The following DGKG variants were observed in gnomAD, a reference collection of about 807,000 sequenced individuals.
DGKG encodes the protein diacylglycerol kinase gamma.
DGKG carries 78 observed loss-of-function variants against 105.3 expected under a neutral mutation model. The ratio of observed to expected loss-of-function variants is 0.74; its 90% CI spans 0.62 to 0.89. The LOEUF is 0.89. Among genes scored for constraint, DGKG ranks in the 40% least tolerant of loss-of-function variants. The pLI is 0.00. For synonymous variants in DGKG, 346 were observed against 367.1 expected (o/e 0.94, Z 0.66); for missense variants, 958 against 1,020.1 (o/e 0.94, Z 0.83).
intron 24 of DGKG, 125 bp from the exon 25 acceptor site, chr3:186,150,313 G>A (rs185614356): frequency 7.9e-7 from 1 of 1,259,906 alleles, no homozygotes; most frequent in East Asian, 2.6e-5. Flanking sequence ...AAGGACAACT[G>A]TCCTTGAACG....
At chr3:186,340,114 G>A (rs913251032) in intron 1 of DGKG, among the ~76,000 whole-genome samples, 2 of 152,174 alleles carry the variant, frequency 1.3e-5, no homozygotes, top group African/African-American at 4.8e-5. Flanking sequence ...ATAAAATGGA[G>A]AAGTGGTTTA....
At chr3:186,207,298 GTC>G (rs1718793944) in intron 21 of DGKG, 1 of 187,474 alleles carries the variant, frequency 5.3e-6, no homozygotes, top group African/African-American at 2.4e-5. Flanking sequence ...CTGGTTGAGA[GTC>G]TCTGCTCTAG....
At chr3:186,185,711 C>T (rs1717594361) in intron 22 of DGKG, among the ~76,000 whole-genome samples, 1 of 152,150 alleles carries the variant, frequency 6.6e-6, no homozygotes, top group Non-Finnish European at 1.5e-5. Context: ...TCTGTTAGCA[C>T]CCACAACTTC....
chr3:186,266,129 A>T (rs1423672999), intron 13 of DGKG, among the ~76,000 whole-genome samples: 1 of 152,176 alleles, frequency 6.6e-6, no homozygotes, highest in African/African-American at 2.4e-5. Context: ...GTATATGGGG[A>T]TGGCCTCGTA....
intron 21 of DGKG, among the ~76,000 whole-genome samples, 199 bp downstream of exon 21, chr3:186,211,596 C>A (rs925576815): frequency 6.6e-6 from 1 of 152,092 alleles, no homozygotes; most frequent in East Asian, 1.9e-4. Flanking sequence ...AGTCCCAAAG[C>A]CCCCCAGGGA....
intron 12 of DGKG, 111 bp downstream of exon 12, chr3:186,268,690 C>A: frequency 1.4e-6 from 1 of 734,260 alleles, no homozygotes; most frequent in Non-Finnish European, 2.3e-6. Flanking sequence ...CTCCTAGCCT[C>A]GCTCCCCTGG....
chr3:186,347,302 G>A (rs1726388320), intron 1 of DGKG, among the ~76,000 whole-genome samples: 2 of 151,670 alleles, frequency 1.3e-5, no homozygotes, highest in African/African-American at 4.8e-5. Flanking sequence ...CAAAAAATTA[G>A]CCAGGCATGG....
In DGKG at chr3:186,280,676, C is replaced by T. The variant is rs1433467927; in HGVS notation, c.663G>A (p.Leu221=). 6.2e-7 allele frequency: 1 copy of T among 1,613,166 alleles called. No individual in the cohort carries two copies. The highest frequency in any genetic ancestry group is 8.5e-7 in the Non-Finnish European group (1 of 1,179,244). Residue 221 remains leucine (L), a synonymous_variant, in exon 8 of 25, where the codon CTG becomes CTA. Coordinates refer to ENST00000265022, the MANE Select transcript of DGKG (RefSeq NM_001346.3). ...AQYLEWDPTE[L]RPILKEMLQG... ...CATCCTTATAGAAACTCACAGGCCT[C>T]AGCTCTGTGGGATCCCACTCCAGGT...
intron 1 of DGKG, among the ~76,000 whole-genome samples, chr3:186,336,870 A>G (rs1198331136): frequency 6.6e-6 from 1 of 152,228 alleles, no homozygotes; most frequent in African/African-American, 2.4e-5. Context: ...ATTCAACTTT[A>G]TAGCACCACT....
chr3:186,256,710 T>A (rs1006292231), intron 17 of DGKG, among the ~76,000 whole-genome samples: 1 of 152,226 alleles, frequency 6.6e-6, no homozygotes, highest in African/African-American at 2.4e-5. Flanking sequence ...CCACTCTGCT[T>A]TGACCATGCT....
intron 20 of DGKG, among the ~76,000 whole-genome samples, chr3:186,217,839 A>G (rs1229087298): frequency 1.3e-5 from 2 of 152,220 alleles, no homozygotes; most frequent in South Asian, 2.1e-4. Context: ...TTGTCAAAAC[A>G]TGAAAACATT....
Position 186,272,881 on chromosome 3 carries a change from C to T in DGKG, c.911-538G>A, listed in dbSNP as rs559477351. On this transcript the variant is annotated intron_variant, in intron 10 of 24. Coordinates refer to ENST00000265022, the MANE Select transcript of DGKG (RefSeq NM_001346.3). ...TTACAGGCGTTACAGGCGTGCACCA[C>T]CACGCCCGGCTAATTTTTTGTATTT... Among the ~76,000 whole-genome samples, 8 of 152,164 alleles carry T rather than the reference C, an allele frequency of 5.3e-5. No individual in the cohort carries two copies. In the South Asian group the frequency reaches 1.7e-3, roughly 32 times the overall value.
chr3:186,287,857 T>C (rs1376181084), intron 6 of DGKG, among the ~76,000 whole-genome samples: 1 of 152,242 alleles, frequency 6.6e-6, no homozygotes, highest in Non-Finnish European at 1.5e-5. Context: ...AGTCTTATTA[T>C]TAACTGGAAT....
Position 186,210,659 on chromosome 3 carries a change from C to T in DGKG, c.1917+1136G>A. The T allele has an allele frequency of 2.2e-6, 1 of 453,348 alleles. No individual in the cohort carries two copies. Among genetic ancestry groups the T allele is most frequent in the Non-Finnish European group, 4.4e-6 (1 of 226,180 alleles). 28.1% of individuals were successfully genotyped at this position (453,348 alleles called of 1,614,324 possible). On this transcript the variant is annotated intron_variant, in intron 21 of 24. Transcript: ENST00000265022. This position sits in a 1 kb window ranked among gnomAD's most constrained non-coding sequence, Gnocchi z 5.2. Reference sequence around the variant, plus strand: ...CAGGGGCCCTTCCGGCAGGGAGGGGCAGGGCTTTCCTACACCACTCCAGGC... The same window carrying T: ...CAGGGGCCCTTCCGGCAGGGAGGGGTAGGGCTTTCCTACACCACTCCAGGC...
chr3:186,209,238 C>A (rs1718909068), intron 21 of DGKG, among the ~76,000 whole-genome samples: 1 of 151,468 alleles, frequency 6.6e-6, no homozygotes, highest in Non-Finnish European at 1.5e-5. Flanking sequence ...GTAGCTGGGA[C>A]TACAGGCGCC....
Position 186,320,582 on chromosome 3 carries a change from C to T in DGKG, c.-123G>A, listed in dbSNP as rs1725031100. ...GCGATGTAAGCCTTTCAGGAGACTT[C>T]TGGGAGCACTCAAGTGTATACAGCA... On this transcript the variant is annotated 5_prime_UTR_variant, in exon 2 of 25. Coordinates refer to ENST00000265022, the MANE Select transcript of DGKG (RefSeq NM_001346.3). The T allele has an allele frequency of 2.6e-6, 4 of 1,540,734 alleles. No homozygotes were observed. Among genetic ancestry groups the T allele is most frequent in the Non-Finnish European group, 3.5e-6 (4 of 1,139,068 alleles).
intron 1 of DGKG, among the ~76,000 whole-genome samples, chr3:186,326,224 T>A (rs957898965): frequency 6.6e-6 from 1 of 152,124 alleles, no homozygotes; most frequent in Non-Finnish European, 1.5e-5. Flanking sequence ...AAGCTCTGTC[T>A]CTATTAAAAA....
At chr3:186,187,385 AG>A (rs1560086207) in intron 22 of DGKG, among the ~76,000 whole-genome samples, 2 of 152,254 alleles carry the variant, frequency 1.3e-5, no homozygotes, top group Admixed American at 6.5e-5. Flanking sequence ...TGAGATAAAA[AG>A]GGGAGTCAAG....
At chr3:186,276,183 A>T (rs1722580036) in intron 9 of DGKG, among the ~76,000 whole-genome samples, 1 of 152,222 alleles carries the variant, frequency 6.6e-6, no homozygotes, top group African/African-American at 2.4e-5. Context: ...AGGTCTCATA[A>T]TTACCAAAAG....
Sources: gnomAD v4.1 joint callset for allele counts (sites outside exome capture counted in the v4.1 genomes callset) on GRCh38, gnomAD v4.1.1 for gene constraint, Gnocchi (gnomAD v3.1) non-coding constraint, MANE v1.5 for transcripts, NCBI Gene and HGNC (gene_info 2026-07-23, HGNC 2026-07-21) for gene names.